TMEM63A: variants seen among roughly 807,000 people sequenced by gnomAD.
The protein encoded by TMEM63A is mechanosensitive cation channel TMEM63A.
Under a neutral mutation model 100.6 loss-of-function variants are expected in TMEM63A, and 76 were observed. The ratio of observed to expected loss-of-function variants is 0.76; its 90% CI spans 0.63 to 0.91. The LOEUF is 0.91. TMEM63A is among the 40% of genes least tolerant of loss of function. TMEM63A has a pLI of 0.00. For missense variants in TMEM63A, 876 were observed against 1,008.8 expected, an observed-to-expected ratio of 0.87 and a Z score of 1.78; for synonymous variants, 401 against 401.1, an observed-to-expected ratio of 1.00 and a Z score of 0.00.
intron 13 of TMEM63A, chr1:225,861,833 C>G (rs546148544): frequency 1.3e-5 from 3 of 232,350 alleles, no homozygotes; most frequent in African/African-American, 6.6e-5. Flanking sequence ...GAGCCACAGA[C>G]AGAAGGATCT....
At chr1:225,844,603 G>A (rs746195637), downstream of TMEM63A, 7 of 1,614,128 alleles carry the variant, frequency 4.3e-6, no homozygotes, top group South Asian at 7.7e-5. Context: ...GACAGGGCTG[G>A]ATGACCCAGA....
chr1:225,881,309 C>A (rs1268853497), intron 1 of TMEM63A, among the ~76,000 whole-genome samples: 2 of 152,228 alleles, frequency 1.3e-5, no homozygotes, highest in Non-Finnish European at 2.9e-5. Context: ...CGAGTGATGA[C>A]TTTCTCTCAC....
chr1:225,864,443 G>A (rs1308340803), intron 10 of TMEM63A: 1 of 152,208 alleles, frequency 6.6e-6, no homozygotes, highest in Admixed American at 6.5e-5. Flanking sequence ...CCCACGGACT[G>A]CAACAGCATT....
At chr1:225,854,582 G>C (rs1468700725) in intron 18 of TMEM63A, among the ~76,000 whole-genome samples, 1 of 152,208 alleles carries the variant, frequency 6.6e-6, no homozygotes, top group Non-Finnish European at 1.5e-5. Flanking sequence ...TTGTAGAGTA[G>C]CAGATTTGAG....
chr1:225,861,027 C>G, intron 13 of TMEM63A, 30 bp from the exon 14 acceptor site: 1 of 1,573,814 alleles, frequency 6.4e-7, no homozygotes, highest in South Asian at 1.1e-5. Context: ...CAGCCAGGCC[C>G]AGGCTACTCA....
chr1:225,857,082 G>C, intron 15 of TMEM63A, 65 bp from the exon 16 acceptor site: 1 of 1,369,006 alleles, frequency 7.3e-7, no homozygotes. Flanking sequence ...CTGAGGCCAT[G>C]ACCTATTGGT....
chr1:225,871,323 G>A (rs183660879), intron 5 of TMEM63A, among the ~76,000 whole-genome samples: 302 of 152,310 alleles, frequency 2.0e-3, no homozygotes, highest in Middle Eastern at 6.8e-3. Flanking sequence ...CAACTTCGTG[G>A]TCAAATCACA....
chr1:225,848,824 G>T, intron 22 of TMEM63A, 73 bp downstream of exon 22: 1 of 1,220,224 alleles, frequency 8.2e-7, no homozygotes, highest in Non-Finnish European at 1.2e-6. Context: ...GGGTGGGCGG[G>T]GTTGACAGCG....
At position 225,848,544 on chromosome 1, in the gene TMEM63A, G is replaced by A. The variant is rs963993065; in HGVS notation, c.2198C>T (p.Pro733Leu). The A allele has an allele frequency of 3.7e-6, 6 of 1,614,024 alleles. No homozygotes were observed. The Admixed American group carries it at 1.0e-4, about 27-fold the overall frequency. ...TGCCTCACTTCCTTTGTCACTTGCA[G>A]GCTCTTCTGTCTGCAGATAACAGCA... ...LSPLNYKTEE[P>L]ASDKGSEAEA... Residue 733 changes from proline (P) to leucine (L), a missense_variant, in exon 23 of 25, where the codon CCT (proline) becomes CTT (leucine). Around this residue, in one of 5 missense-constraint regions of TMEM63A, gnomAD observed 339 missense variants for 342.3 expected, o/e 0.99. Coordinates refer to ENST00000366835, the MANE Select transcript of TMEM63A (RefSeq NM_014698.3).
At chr1:225,845,106 G>T, downstream of TMEM63A, 1 of 1,607,234 alleles carries the variant, frequency 6.2e-7, no homozygotes. Flanking sequence ...AGGGGCGCAG[G>T]GCCACAGCCT....
intron 4 of TMEM63A, among the ~76,000 whole-genome samples, 197 bp downstream of exon 4, chr1:225,874,091 G>A (rs912720021): frequency 6.6e-6 from 1 of 152,164 alleles, no homozygotes; most frequent in African/African-American, 2.4e-5. Flanking sequence ...TACACTTAAT[G>A]AACACAATCT....
chr1:225,881,003 A>G (rs1202079300), intron 1 of TMEM63A, among the ~76,000 whole-genome samples: 2 of 152,260 alleles, frequency 1.3e-5, no homozygotes, highest in Non-Finnish European at 2.9e-5. Context: ...CGAAACTACA[A>G]GCAGCTCCAG....
At chr1:225,849,143 T>A (rs184852) in intron 21 of TMEM63A, 131 bp from the exon 22 acceptor site, 1 of 682,772 alleles carries the variant, frequency 1.5e-6, no homozygotes, top group Non-Finnish European at 2.6e-6. Flanking sequence ...AAAATAAAGG[T>A]AAGGCCTAAC....
intron 17 of TMEM63A, among the ~76,000 whole-genome samples, 153 bp downstream of exon 17, chr1:225,856,499 G>A (rs925615868): frequency 6.6e-6 from 1 of 152,010 alleles, no homozygotes; most frequent in Non-Finnish European, 1.5e-5. Flanking sequence ...AAGAATCAAT[G>A]ACCCAGCCCT....
chr1:225,860,247 G>A (rs1486089206), intron 14 of TMEM63A: 4 of 152,558 alleles, frequency 2.6e-5, no homozygotes, highest in Admixed American at 2.6e-4. Context: ...CAGCTGCGCT[G>A]GGGCTTGCGC....
At position 225,862,490 on chromosome 1, in the gene TMEM63A, G is replaced by A; in HGVS notation, c.916C>T (p.Gln306Ter). ...CCCAGCACTTCACAGCAGCAAAACT[G>A]GCCACAGGGCTTGGGGTTGATGAGG... is the stretch of plus-strand genomic sequence containing the variant. ...RTLINPKPCG[Q>*]FCCCEVLGCE... Residue 306 changes from glutamine to a stop codon, truncating the protein, a stop_gained, in exon 12 of 25, where the codon CAG becomes TAG. Transcript: ENST00000366835. LOFTEE classifies it high-confidence loss of function. The surrounding 1 kb of genome is among the most constrained non-coding windows in gnomAD (Gnocchi z 5.1). The A allele has an allele frequency of 6.2e-7, 1 of 1,614,162 alleles. No homozygotes were observed. The highest frequency in any genetic ancestry group is 8.5e-7 in the Non-Finnish European group (1 of 1,180,022).
chr1:225,849,463 C>T (rs1304398743), intron 21 of TMEM63A, among the ~76,000 whole-genome samples: 1 of 152,188 alleles, frequency 6.6e-6, no homozygotes, highest in Non-Finnish European at 1.5e-5. Context: ...AGGAGCTGGG[C>T]CCAACCACCA....
downstream of TMEM63A, chr1:225,845,513 C>A: frequency 1.5e-6 from 1 of 662,840 alleles, no homozygotes; most frequent in Non-Finnish European, 2.6e-6. Flanking sequence ...CAACCCCCAA[C>A]TCCGTGTGGT....
At chr1:225,869,666 C>CTTTTCTTTTTTTTTTTTTT (rs76862516) in intron 6 of TMEM63A, among the ~76,000 whole-genome samples, 13 of 109,902 alleles carry the variant, frequency 1.2e-4, no homozygotes, top group East Asian at 2.6e-4. Context: ...CTTTTCTTTT[C>CTTTTCTTTTTTTTTTTTTT]TTTTTTTTTT....
Sources: gnomAD v4.1 joint callset for allele counts (sites outside exome capture counted in the v4.1 genomes callset) on GRCh38, gnomAD v4.1.1 for gene constraint, gnomAD v4.1.1 regional missense constraint, Gnocchi (gnomAD v3.1) non-coding constraint, MANE v1.5 for transcripts, NCBI Gene and HGNC (gene_info 2026-07-23, HGNC 2026-07-21) for gene names.